Variants in BMPR1B observed in about 807,000 individuals in gnomAD.
The protein encoded by BMPR1B is bone morphogenetic protein receptor type 1B.
Under a neutral mutation model 59.1 loss-of-function variants are expected in BMPR1B, and 12 were observed. That is an observed-to-expected ratio of 0.20 (90% confidence interval 0.13 to 0.33). The LOEUF is 0.33. Ranked by LOEUF, BMPR1B falls within the 10% of genes least tolerant of loss-of-function variation. BMPR1B has a pLI of 1.00. For missense variants in BMPR1B, 550 were observed against 610.9 expected (o/e 0.90, Z 1.05); for synonymous variants, 237 against 207.3 (o/e 1.14, Z -1.23).
chr4:94,805,846 A>G (rs62316543), intron 1 of BMPR1B, among the ~76,000 whole-genome samples: 4,820 of 152,266 alleles, frequency 0.032, 111 homozygotes, highest in Non-Finnish European at 0.052. Context: ...ATCCTAACAC[A>G]TAGTAGCAGC....
At chr4:94,922,406 T>C (rs1728725638) in intron 2 of BMPR1B, among the ~76,000 whole-genome samples, 2 of 152,318 alleles carry the variant, frequency 1.3e-5, no homozygotes, top group South Asian at 4.1e-4. Context: ...ACAATAGCAA[T>C]GTTTAATGGA....
intron 1 of BMPR1B, among the ~76,000 whole-genome samples, chr4:94,794,362 T>G (rs1560487749): frequency 6.6e-6 from 1 of 151,588 alleles, no homozygotes; most frequent in Non-Finnish European, 1.5e-5. Context: ...GGCTCTGTTC[T>G]GTTCCATTGA....
intron 8 of BMPR1B, among the ~76,000 whole-genome samples, chr4:95,129,178 G>A (rs1733124344): frequency 1.3e-5 from 2 of 152,152 alleles, no homozygotes; most frequent in Admixed American, 1.3e-4. Flanking sequence ...TTTGTAATGA[G>A]GAGCCTTGGC....
chr4:94,927,132 G>A (rs1341108613), intron 2 of BMPR1B, among the ~76,000 whole-genome samples: 1 of 152,106 alleles, frequency 6.6e-6, no homozygotes, highest in Non-Finnish European at 1.5e-5. Flanking sequence ...GACAATAAAA[G>A]CTCTAGTGGA....
chr4:94,921,401 C>G (rs1277313182), intron 2 of BMPR1B, among the ~76,000 whole-genome samples: 2 of 152,034 alleles, frequency 1.3e-5, no homozygotes, highest in African/African-American at 4.8e-5. Context: ...TTAATTGGCT[C>G]ACAGTTGTGC....
chr4:94,863,561 A>G (rs1188901378), intron 1 of BMPR1B, among the ~76,000 whole-genome samples: 1 of 152,180 alleles, frequency 6.6e-6, no homozygotes, highest in Non-Finnish European at 1.5e-5. Context: ...TTTAGTTTGC[A>G]GTTGCTATTT....
At chr4:94,874,123 TTA>T (rs958976738) in intron 1 of BMPR1B, among the ~76,000 whole-genome samples, 5 of 152,128 alleles carry the variant, frequency 3.3e-5, no homozygotes, top group Admixed American at 1.3e-4. Flanking sequence ...GCTAAATATT[TTA>T]TATATATATG....
chr4:94,822,990 C>T (rs989729755), intron 1 of BMPR1B, among the ~76,000 whole-genome samples: 4 of 152,030 alleles, frequency 2.6e-5, no homozygotes, highest in African/African-American at 9.7e-5. Context: ...TTTTTGACTC[C>T]TGGTTAAAAA....
chr4:94,942,367 A>G (rs974894898), intron 2 of BMPR1B, among the ~76,000 whole-genome samples: 1 of 152,196 alleles, frequency 6.6e-6, no homozygotes, highest in African/African-American at 2.4e-5. Context: ...CTTTAAAATT[A>G]TTTGGTTAGT....
intron 2 of BMPR1B, among the ~76,000 whole-genome samples, chr4:94,955,123 G>A (rs1730092603): frequency 6.6e-6 from 1 of 152,118 alleles, no homozygotes; most frequent in Non-Finnish European, 1.5e-5. Context: ...CTGAAAAGTG[G>A]GAATGTGATC....
chr4:94,971,905 A>T (rs1239627537), intron 2 of BMPR1B, among the ~76,000 whole-genome samples: 1 of 151,938 alleles, frequency 6.6e-6, no homozygotes, highest in Non-Finnish European at 1.5e-5. Flanking sequence ...GAAGTATAGT[A>T]TCTTATTTAA....
intron 2 of BMPR1B, among the ~76,000 whole-genome samples, chr4:94,973,989 T>G (rs2149079849): frequency 1.3e-5 from 2 of 152,342 alleles, no homozygotes; most frequent in Non-Finnish European, 2.9e-5. Flanking sequence ...TCCAGATTGC[T>G]TTCCAGAATG....
At chr4:94,947,799 G>C (rs1402856782) in intron 2 of BMPR1B, among the ~76,000 whole-genome samples, 1 of 151,804 alleles carries the variant, frequency 6.6e-6, no homozygotes, top group Non-Finnish European at 1.5e-5. Context: ...TTCCTGAAAG[G>C]AATGTCTCTC....
At chr4:95,048,609 C>T (rs1224399727) in intron 3 of BMPR1B, among the ~76,000 whole-genome samples, 1 of 152,058 alleles carries the variant, frequency 6.6e-6, no homozygotes, top group Non-Finnish European at 1.5e-5. Context: ...TTTTGAGAAG[C>T]GTCTGTTCCT....
At chr4:94,816,032 A>G (rs1723997292) in intron 1 of BMPR1B, among the ~76,000 whole-genome samples, 1 of 152,124 alleles carries the variant, frequency 6.6e-6, no homozygotes, top group African/African-American at 2.4e-5. Context: ...GGCTTTGTGT[A>G]GTTTCCCTGG....
intron 3 of BMPR1B, chr4:95,103,473 A>T: frequency 1.0e-6 from 1 of 985,360 alleles, no homozygotes; most frequent in Non-Finnish European, 1.2e-6. Flanking sequence ...ATGCAGTTAC[A>T]TGGCATGTAT....
chr4:94,863,277 G>A lies in BMPR1B; in HGVS notation c.-182-12554G>A, dbSNP rs551206832. On this transcript the variant is annotated intron_variant, in intron 1 of 12. Transcript: ENST00000515059. ...AAATAAAACGTACACCAAACCCTAC[G>A]ACACACAATTTATCTATAGAACAAA... is the stretch of plus-strand genomic sequence containing the variant. Among the ~76,000 whole-genome samples, 4 of 152,240 alleles carry A rather than the reference G, an allele frequency of 2.6e-5. No homozygotes were observed. The South Asian group carries it at 6.2e-4, about 24-fold the overall frequency.
intron 10 of BMPR1B, among the ~76,000 whole-genome samples, chr4:95,136,166 C>A (rs1483681170): frequency 6.6e-6 from 1 of 151,830 alleles, no homozygotes; most frequent in Non-Finnish European, 1.5e-5. Flanking sequence ...AGCCTACCAA[C>A]CAAAAAAAGT....
At chr4:95,059,439 T>C (rs1181232397) in intron 3 of BMPR1B, among the ~76,000 whole-genome samples, 2 of 152,104 alleles carry the variant, frequency 1.3e-5, no homozygotes, top group African/African-American at 4.8e-5. Context: ...GGGGGAAGAG[T>C]CTAAAGGAGA....
Sources: allele counts gnomAD v4.1 joint callset (sites outside exome capture counted in the v4.1 genomes callset), GRCh38; gene constraint gnomAD v4.1.1; transcripts MANE v1.5; gene names NCBI Gene and HGNC (gene_info 2026-07-23, HGNC 2026-07-21).